The following CD96 variants were observed in gnomAD, a reference collection of about 807,000 sequenced individuals.
CD96 encodes the protein T-cell surface protein tactile.
CD96 carries 70 observed loss-of-function variants against 71.3 expected under a neutral mutation model. The ratio of observed to expected loss-of-function variants is 0.98; its 90% CI spans 0.81 to 1.20. The LOEUF (loss-of-function observed/expected upper bound fraction) is 1.20, where lower values mean the gene tolerates loss of function less well. Ranked by LOEUF, CD96 falls within the 50% of genes most tolerant of loss-of-function variation. The probability of loss-of-function intolerance (pLI) is 0.00; values close to 1 mark genes in which losing one functional copy is unlikely to be tolerated. For missense variants in CD96, 742 were observed against 677.5 expected, an observed-to-expected ratio of 1.10 and a Z score of -1.06; for synonymous variants, 248 against 233.0, an observed-to-expected ratio of 1.06 and a Z score of -0.59.
chr3:111,663,940 T>C (rs1349237779), intron 14 of CD96, among the ~76,000 whole-genome samples: 1 of 152,016 alleles, frequency 6.6e-6, no homozygotes, highest in Non-Finnish European at 1.5e-5. Context: ...TTAGTAGAGA[T>C]GGGGTTTCAC....
At chr3:111,637,983 T>C (rs143857889) in intron 11 of CD96, 96 bp from the exon 12 acceptor site, 148 of 796,174 alleles carry the variant, frequency 1.9e-4, no homozygotes, top group South Asian at 4.0e-4. Context: ...CAATTTAAAT[T>C]GAGTTCTTTC....
intron 2 of CD96, 107 bp from the exon 3 acceptor site, chr3:111,567,416 G>A (rs1935769478): frequency 1.2e-6 from 1 of 860,060 alleles, no homozygotes; most frequent in Non-Finnish European, 1.9e-6. Context: ...GGTGTACCCT[G>A]AGGACAGATG....
chr3:111,656,298 G>T (rs1428724915), downstream of CD96, among the ~76,000 whole-genome samples: 1 of 152,032 alleles, frequency 6.6e-6, no homozygotes, highest in East Asian at 1.9e-4. Context: ...ATTTAAAAAT[G>T]TACTGAGACA....
At chr3:111,642,937 TAGAG>T (rs1939659386) in intron 12 of CD96, among the ~76,000 whole-genome samples, 1 of 151,636 alleles carries the variant, frequency 6.6e-6, no homozygotes, top group Non-Finnish European at 1.5e-5. Flanking sequence ...ATCCACAAGA[TAGAG>T]AAAGAAGGAA....
rs11337310 is a variant in CD96, at chr3:111,647,088, TAA to T, written c.1478-435_1478-434del. ...TGAAGGTTGAGAGGAGGGTAAAGATTAAAAAAAAAAAAAAAAAAAAACCCTAC... is the reference window on the plus strand; with the variant it reads ...TGAAGGTTGAGAGGAGGGTAAAGATTAAAAAAAAAAAAAAAAAAACCCTAC... On this transcript the variant is annotated intron_variant, in intron 12 of 13. Coordinates refer to ENST00000352690, the MANE Select transcript of CD96 (RefSeq NM_005816.5). 7.1e-3 allele frequency among the ~76,000 whole-genome samples: 706 copies of T among 98,902 alleles called. 8 individuals are homozygous for T. The highest frequency in any genetic ancestry group is 0.021 in the African/African-American group (580 of 27,438). The allele number at this position is 98,902 out of a possible 152,430, so 64.9% of individuals were successfully genotyped here.
rs1940072404 is a variant in CD96 at position 111,651,457 on chromosome 3, A to C, written c.*1651A>C. The C allele has an allele frequency of 6.6e-6, 1 of 152,212 alleles. No homozygotes were observed. Among genetic ancestry groups the C allele is most frequent in the Non-Finnish European group, 1.5e-5 (1 of 68,056 alleles). The allele number at this position is 152,212 out of a possible 1,614,324, so 9.4% of individuals were successfully genotyped here. A position where few individuals can be genotyped will look rare whatever the true frequency, so the allele number is the denominator to read the frequency against. On this transcript the variant is annotated 3_prime_UTR_variant, in exon 14 of 14. Coordinates refer to ENST00000352690, the MANE Select transcript of CD96 (RefSeq NM_005816.5). ...ACTCTCACCATTGGTATAGCCAAAA[A>C]AGCTTGGAAGTGACCAAGGCTAGGT...
intron 5 of CD96, chr3:111,594,416 C>T: frequency 3.9e-6 from 2 of 513,264 alleles, no homozygotes; most frequent in Admixed American, 7.0e-5. Flanking sequence ...GCAAAACAGC[C>T]CAAGAGTGCA....
intron 10 of CD96, among the ~76,000 whole-genome samples, chr3:111,636,765 CAA>C (rs777600916): frequency 1.3e-5 from 2 of 152,328 alleles, no homozygotes; most frequent in Admixed American, 6.5e-5. Flanking sequence ...CCCACAAGTA[CAA>C]AGTGTTTTCG....
chr3:111,609,070 T>G (rs761456639), intron 8 of CD96, among the ~76,000 whole-genome samples: 1 of 152,140 alleles, frequency 6.6e-6, no homozygotes, highest in Non-Finnish European at 1.5e-5. Context: ...TAACTTGACC[T>G]TTGAAGTATG....
chr3:111,562,068 C>T (rs1011699671), intron 2 of CD96, among the ~76,000 whole-genome samples: 30 of 152,246 alleles, frequency 2.0e-4, no homozygotes, highest in African/African-American at 5.8e-4. Context: ...TGCTTCGGCT[C>T]CCGCACGGTG....
At chr3:111,549,960 C>T (rs1453476247) in intron 2 of CD96, among the ~76,000 whole-genome samples, 2 of 151,984 alleles carry the variant, frequency 1.3e-5, no homozygotes, top group Admixed American at 1.3e-4. Context: ...AACTAAAATT[C>T]TGGGAGTGAA....
chr3:111,624,352 T>C lies in CD96; in HGVS notation c.1269T>C (p.Thr423=), dbSNP rs775568694. ...TTTCAGCCAGCAATTCCAGTATGACTACCCGAGGCTTCAACTATCCCTGGA... is the reference window on the plus strand; with the variant it reads ...TTTCAGCCAGCAATTCCAGTATGACCACCCGAGGCTTCAACTATCCCTGGA... ...TTPQPSNSSM[T]TRGFNYPWTS... Residue 423 remains threonine (T), a synonymous_variant, in exon 10 of 14, where the codon ACT becomes ACC. Coordinates refer to ENST00000352690, the MANE Select transcript of CD96 (RefSeq NM_005816.5). The C allele has an allele frequency of 1.2e-6, 2 of 1,611,332 alleles. No individual in the cohort carries two copies. Among genetic ancestry groups the C allele is most frequent in the East Asian group, 2.2e-5 (1 of 44,850 alleles).
chr3:111,586,956 T>C lies in CD96; in HGVS notation c.807+1578T>C, dbSNP rs193101072. 2.5e-4 allele frequency among the ~76,000 whole-genome samples: 38 copies of C among 152,160 alleles called. No homozygotes were observed. The East Asian group carries it at 7.1e-3, about 29-fold the overall frequency. On this transcript the variant is annotated intron_variant, in intron 5 of 13. Coordinates refer to ENST00000352690, the MANE Select transcript of CD96 (RefSeq NM_005816.5). Reference sequence around the variant, plus strand: ...ACTCATTGCAGCATTAACTCAAAAGTCCAGAGTCCAAAGTCTCATCTGAGA... The same window carrying C: ...ACTCATTGCAGCATTAACTCAAAAGCCCAGAGTCCAAAGTCTCATCTGAGA...
At chr3:111,661,690 C>T (rs2107818793) in intron 14 of CD96, among the ~76,000 whole-genome samples, 1 of 152,368 alleles carries the variant, frequency 6.6e-6, no homozygotes, top group Admixed American at 6.5e-5. Context: ...GTCTCACATC[C>T]AGGTCACACT....
chr3:111,618,863 G>A lies in CD96; in HGVS notation c.1181-4891G>A, dbSNP rs181195544. 4.1e-3 allele frequency among the ~76,000 whole-genome samples: 626 copies of A among 151,980 alleles called. 4 individuals are homozygous for A. The highest frequency in any genetic ancestry group is 0.012 in the African/African-American group (513 of 41,466). On this transcript the variant is annotated intron_variant, in intron 8 of 13. Coordinates refer to ENST00000352690, the MANE Select transcript of CD96 (RefSeq NM_005816.5). The stretch of plus-strand genomic sequence containing the variant: ...TGGGATTACAGGCATGAGCCACTGC[G>A]CCCGGCCTCGCTTTTTTTTTAAGTT...
chr3:111,573,324 G>A (rs1416702382), intron 3 of CD96, among the ~76,000 whole-genome samples: 1 of 152,154 alleles, frequency 6.6e-6, no homozygotes. Flanking sequence ...TGAGCACTAA[G>A]TCCTGCAGGG....
chr3:111,648,460 A>C (rs1436270032), intron 13 of CD96, among the ~76,000 whole-genome samples: 4 of 152,182 alleles, frequency 2.6e-5, no homozygotes, highest in Non-Finnish European at 5.9e-5. Flanking sequence ...AGTAGTTAGA[A>C]ATTCTGGATT....
chr3:111,640,243 A>G (rs1342971871), intron 12 of CD96, among the ~76,000 whole-genome samples: 1 of 152,196 alleles, frequency 6.6e-6, no homozygotes, highest in Admixed American at 6.5e-5. Flanking sequence ...AAATGACACA[A>G]GAAGTGAAGG....
At chr3:111,637,577 T>C (rs7639515) in intron 11 of CD96, among the ~76,000 whole-genome samples, 138,962 of 152,234 alleles carry the variant, frequency 0.91, 64,041 homozygotes, top group East Asian at 0.97. Context: ...ATGGATTTGT[T>C]TAGTCTAATG....
Sources: gnomAD v4.1 joint callset for allele counts (sites outside exome capture counted in the v4.1 genomes callset) on GRCh38, gnomAD v4.1.1 for gene constraint, MANE v1.5 for transcripts, NCBI Gene and HGNC (gene_info 2026-07-23, HGNC 2026-07-21) for gene names.